PCDHGB6: variants seen among roughly 807,000 people sequenced by gnomAD.
PCDHGB6 encodes protocadherin gamma subfamily B, 6.
Under a neutral mutation model 59.1 loss-of-function variants are expected in PCDHGB6, and 51 were observed. The ratio of observed to expected loss-of-function variants is 0.86; its 90% CI spans 0.69 to 1.09. PCDHGB6 has a LOEUF of 1.09. Ranked by LOEUF, PCDHGB6 falls within the 50% of genes least tolerant of loss-of-function variation. The pLI is 0.00. For missense variants in PCDHGB6, 1,148 were observed against 1,205.1 expected, an observed-to-expected ratio of 0.95 and a Z score of 0.70; for synonymous variants, 466 against 495.1, an observed-to-expected ratio of 0.94 and a Z score of 0.78.
Position 141,432,477 on chromosome 5 carries a change from C to G in PCDHGB6, c.2418+21857C>G. On this transcript the variant is annotated intron_variant, in intron 1 of 3. Coordinates refer to ENST00000520790, the MANE Select transcript of PCDHGB6 (RefSeq NM_018926.3). This position sits in a 1 kb window ranked among gnomAD's most constrained non-coding sequence, Gnocchi z 6.0. ...CCCGCCCTCCCCACGGACGGTTCCA[C>G]TGGCGTGGAGCTGGCTCCCCGCTCC... 3 of 1,614,212 alleles carry G rather than the reference C, an allele frequency of 1.9e-6. No homozygotes were observed. Among genetic ancestry groups the G allele is most frequent in the Non-Finnish European group, 1.7e-6 (2 of 1,180,044 alleles).
In PCDHGB6 at chr5:141,486,369, C is replaced by T; in HGVS notation, c.2419-8438C>T. 8 of 1,614,128 alleles carry T rather than the reference C, an allele frequency of 5.0e-6. No homozygotes were observed. The highest frequency in any genetic ancestry group is 6.8e-6 in the Non-Finnish European group (8 of 1,179,996). On this transcript the variant is annotated intron_variant, in intron 1 of 3. Coordinates refer to ENST00000520790, the MANE Select transcript of PCDHGB6 (RefSeq NM_018926.3). The surrounding 1 kb of genome is among the most constrained non-coding windows in gnomAD (Gnocchi z 5.0). ...GACCACTTGCCATTTGCCCTCAAGT[C>T]TGCCTTCAGGAACCAGTTCTCCCTG...
Position 141,469,573 on chromosome 5 carries a change from C to CTAAA in PCDHGB6, c.2419-25217_2419-25214dup, listed in dbSNP as rs1209972534. Among the ~76,000 whole-genome samples the CTAAA allele has an allele frequency of 1.4e-4, 21 of 151,674 alleles. No individual in the cohort carries two copies. In the East Asian group the frequency reaches 2.3e-3, roughly 17 times the overall value. On this transcript the variant is annotated intron_variant, in intron 1 of 3. Coordinates refer to ENST00000520790, the MANE Select transcript of PCDHGB6 (RefSeq NM_018926.3). ...CTGGCGACAGAGTGAGACTCTGTCT[C>CTAAA]TAAATAAATAAATAAATAAAACAAA...
At chr5:141,426,858 T>C (rs898486771) in intron 1 of PCDHGB6, 1 of 456,574 alleles carries the variant, frequency 2.2e-6, no homozygotes, top group Non-Finnish European at 4.4e-6. Context: ...CGCTCCAGAA[T>C]TAGTGCTGGA....
At chr5:141,462,121 T>A (rs977258025) in intron 1 of PCDHGB6, among the ~76,000 whole-genome samples, 2 of 151,730 alleles carry the variant, frequency 1.3e-5, no homozygotes, top group Non-Finnish European at 2.9e-5. Context: ...CTGCACCCAG[T>A]CCAATTTTTT....
intron 1 of PCDHGB6, among the ~76,000 whole-genome samples, chr5:141,436,742 G>A (rs568532036): frequency 3.9e-4 from 59 of 152,304 alleles, no homozygotes; most frequent in Non-Finnish European, 7.1e-4. Flanking sequence ...ATTTTTGTGT[G>A]CTTCTCCATA....
chr5:141,496,251 G>A (rs746722054), intron 2 of PCDHGB6, among the ~76,000 whole-genome samples: 7 of 152,150 alleles, frequency 4.6e-5, no homozygotes, highest in African/African-American at 7.2e-5. Context: ...TGAAGGGGAG[G>A]GAAACTTCAG....
intron 1 of PCDHGB6, among the ~76,000 whole-genome samples, chr5:141,433,837 CAA>C (rs56191208): frequency 1.4e-4 from 16 of 111,664 alleles, no homozygotes; most frequent in Non-Finnish European, 1.2e-4. Context: ...AACTCTATCT[CAA>C]AAAAAAAAAA....
intron 1 of PCDHGB6, among the ~76,000 whole-genome samples, chr5:141,468,824 C>A (rs1288506117): frequency 6.6e-6 from 1 of 152,010 alleles, no homozygotes; most frequent in Non-Finnish European, 1.5e-5. Flanking sequence ...CAAGATCAAG[C>A]CACTGCACTC....
In PCDHGB6 at chr5:141,483,413, G is replaced by A. The variant is rs112015754; in HGVS notation, c.2419-11394G>A. 5.9e-4 allele frequency among the ~76,000 whole-genome samples: 90 copies of A among 152,300 alleles called. 1 individual carries two copies. Among genetic ancestry groups the A allele is most frequent in the African/African-American group, 1.7e-3 (69 of 41,584 alleles). ...AAATGCTTGAACCAGCACAGTGGCA[G>A]TACAGATGGAGGGAGCTGACTACAA... On this transcript the variant is annotated intron_variant, in intron 1 of 3. Transcript: ENST00000520790.
rs773688197 is a variant in PCDHGB6, at chr5:141,432,412, C to T, written c.2418+21792C>T. On this transcript the variant is annotated intron_variant, in intron 1 of 3. Transcript: ENST00000520790. This position sits in a 1 kb window ranked among gnomAD's most constrained non-coding sequence, Gnocchi z 6.0. ...GCAGCAACGTGTCGTTGAGCCTGTT[C>T]GTGCTGGACCAGAACGACAATGCGC... 5 of 1,614,128 alleles carry T rather than the reference C, an allele frequency of 3.1e-6. No individual in the cohort carries two copies. The highest frequency in any genetic ancestry group is 4.5e-5 in the East Asian group (2 of 44,894).
intron 2 of PCDHGB6, among the ~76,000 whole-genome samples, chr5:141,504,960 T>C (rs9324851): frequency 0.59 from 89,328 of 151,916 alleles, 27,885 homozygotes; most frequent in African/African-American, 0.8. Context: ...TTCAATGCAT[T>C]GGACCAGCCT....
rs181495329 is a variant in PCDHGB6, at chr5:141,489,120, G to A, written c.2419-5687G>A. ...AACTGCTGCAAGCAGGCAAACCTCC[G>A]AGCAGTTTTTAAGAGGCTGGAAGGA... is the stretch of plus-strand genomic sequence containing the variant. On this transcript the variant is annotated intron_variant, in intron 1 of 3. Coordinates refer to ENST00000520790, the MANE Select transcript of PCDHGB6 (RefSeq NM_018926.3). This position sits in a 1 kb window ranked among gnomAD's most constrained non-coding sequence, Gnocchi z 4.5. 1.8e-5 allele frequency: 8 copies of A among 445,672 alleles called. No homozygotes were observed. The East Asian group carries it at 1.9e-4, about 11-fold the overall frequency. The allele number at this position is 445,672 out of a possible 1,614,324, so 27.6% of individuals were successfully genotyped here.
chr5:141,470,748 A>C (rs1163686396), intron 1 of PCDHGB6, among the ~76,000 whole-genome samples: 1 of 152,106 alleles, frequency 6.6e-6, no homozygotes. Flanking sequence ...CCCTGGCTGG[A>C]GTGCAGTGGA....
rs530054362 is a variant in PCDHGB6 at position 141,486,066 on chromosome 5, C to G, written c.2419-8741C>G. ...AGAAACCTCTTTAGCCTGCACCCCACTACTGGAAAGCTTACTCTTTTGGGG... is the reference window on the plus strand; with the variant it reads ...AGAAACCTCTTTAGCCTGCACCCCAGTACTGGAAAGCTTACTCTTTTGGGG... On this transcript the variant is annotated intron_variant, in intron 1 of 3. Coordinates refer to ENST00000520790, the MANE Select transcript of PCDHGB6 (RefSeq NM_018926.3). This position sits in a 1 kb window ranked among gnomAD's most constrained non-coding sequence, Gnocchi z 5.0. The G allele has an allele frequency of 3.1e-6, 5 of 1,614,166 alleles. No homozygotes were observed. In the African/African-American group the frequency reaches 5.3e-5, roughly 17 times the overall value.
At chr5:141,423,797 C>A in intron 1 of PCDHGB6, 2 of 1,249,164 alleles carry the variant, frequency 1.6e-6, no homozygotes, top group African/African-American at 1.6e-5. Flanking sequence ...ATATTTAGAG[C>A]AATACATGTG....
At chr5:141,460,983 G>GTGTA (rs1554142949) in intron 1 of PCDHGB6, among the ~76,000 whole-genome samples, 1,579 of 137,794 alleles carry the variant, frequency 0.011, 39 homozygotes, top group African/African-American at 0.038. Context: ...GTGTGTGTGT[G>GTGTA]TATATATATA....
At chr5:141,427,901 G>T in intron 1 of PCDHGB6, 1 of 1,572,232 alleles carries the variant, frequency 6.4e-7, no homozygotes. Flanking sequence ...GCTCGCCCGC[G>T]CTCAGCGCCA....
chr5:141,417,236 A>T (rs1387216221), intron 1 of PCDHGB6: 2 of 152,220 alleles, frequency 1.3e-5, no homozygotes, highest in Admixed American at 1.3e-4. Flanking sequence ...TTTGTTGCTT[A>T]TCTTCAGTAC....
rs3074545 is a variant in PCDHGB6, at chr5:141,482,530, C to CAAAAAAA, written c.2419-12264_2419-12258dup. On this transcript the variant is annotated intron_variant, in intron 1 of 3. Coordinates refer to ENST00000520790, the MANE Select transcript of PCDHGB6 (RefSeq NM_018926.3). ...CAGAGTACAGTATGAGACAGACATG[C>CAAAAAAA]AAAAAAAAAAAAAAAAAAAGATAAT... Among the ~76,000 whole-genome samples the CAAAAAAA allele has an allele frequency of 6.5e-4, 50 of 76,534 alleles. 2 individuals are homozygous for CAAAAAAA. The highest frequency in any genetic ancestry group is 1.7e-3 in the African/African-American group (35 of 20,860). 50.2% of individuals were successfully genotyped at this position (76,534 alleles called of 152,430 possible).
Sources: allele counts gnomAD v4.1 joint callset (sites outside exome capture counted in the v4.1 genomes callset), GRCh38; gene constraint gnomAD v4.1.1; non-coding constraint Gnocchi (gnomAD v3.1); transcripts MANE v1.5; gene names NCBI Gene and HGNC (gene_info 2026-07-23, HGNC 2026-07-21).